Variants in PHACTR2 observed in about 807,000 individuals in gnomAD.
PHACTR2 encodes chromosome 6 open reading frame 56.
PHACTR2 carries 30 observed loss-of-function variants against 76.0 expected under a neutral mutation model. That is an observed-to-expected ratio of 0.39 (90% CI 0.30 to 0.54). PHACTR2 has a LOEUF of 0.54. Among genes scored for constraint, PHACTR2 ranks in the 20% least tolerant of loss-of-function variants. The pLI is 0.61. For missense variants in PHACTR2, 696 were observed against 781.1 expected (o/e 0.89, Z 1.30); for synonymous variants, 292 against 292.5 (o/e 1.00, Z 0.02).
At position 143,753,061 on chromosome 6, in the gene PHACTR2, T is replaced by G. The variant is rs982171759; in HGVS notation, c.296-693T>G. Reference sequence around the variant, plus strand: ...TTTGTGATTACTTTTTTATGTGTGTTTTTTTTTTCTCGAATGTTTTCAAAT... The same window carrying G: ...TTTGTGATTACTTTTTTATGTGTGTGTTTTTTTTCTCGAATGTTTTCAAAT... On this transcript the variant is annotated intron_variant, in intron 3 of 12. Transcript: ENST00000440869. The surrounding 1 kb of genome is among the most constrained non-coding windows in gnomAD (Gnocchi z 4.6). Among the ~76,000 whole-genome samples, 2 of 151,298 alleles carry G rather than the reference T, an allele frequency of 1.3e-5. No individual in the cohort carries two copies. The highest frequency in any genetic ancestry group is 2.4e-5 in the African/African-American group (1 of 41,274).
intron 1 of PHACTR2, among the ~76,000 whole-genome samples, chr6:143,552,221 A>T (rs1269377823): frequency 6.6e-6 from 1 of 152,170 alleles, no homozygotes; most frequent in Admixed American, 6.5e-5. Context: ...TCTAGGGAAG[A>T]AAGAGTGTGG....
At chr6:143,674,373 A>G (rs529472954), upstream of PHACTR2, among the ~76,000 whole-genome samples, 2 of 152,222 alleles carry the variant, frequency 1.3e-5, no homozygotes, top group African/African-American at 2.4e-5. The surrounding 1 kb of genome is among the most constrained non-coding windows in gnomAD (Gnocchi z 4.9). Context: ...TTAGTATACT[A>G]TTAGGAAAAC....
intron 12 of PHACTR2, among the ~76,000 whole-genome samples, chr6:143,815,179 C>T (rs558130702): frequency 2.0e-5 from 3 of 152,274 alleles, no homozygotes; most frequent in East Asian, 1.9e-4. Context: ...CAAAATGCTG[C>T]TTTAACTACT....
At position 143,537,607 on chromosome 6, in the gene PHACTR2, A is replaced by T. The variant is rs1178701868; in HGVS notation, c.217+400A>T. Among the ~76,000 whole-genome samples the T allele has an allele frequency of 6.6e-6, 1 of 152,016 alleles. No homozygotes were observed. Among genetic ancestry groups the T allele is most frequent in the Admixed American group, 6.5e-5 (1 of 15,274 alleles). On this transcript the variant is annotated intron_variant, in intron 1 of 11. Transcript: ENST00000367584. This position sits in a 1 kb window ranked among gnomAD's most constrained non-coding sequence, Gnocchi z 4.4. The stretch of plus-strand genomic sequence containing the variant: ...TCCCTCGGAAGGGTGCGGTTCCCTC[A>T]CTTTGCGGGCTGGGACCAGGGCAGG...
intron 6 of PHACTR2, among the ~76,000 whole-genome samples, chr6:143,766,841 A>G (rs1175373895): frequency 3.9e-5 from 6 of 152,224 alleles, no homozygotes; most frequent in Non-Finnish European, 8.8e-5. Context: ...TCTCACGAGT[A>G]TGAAGGGATG....
Position 143,751,452 on chromosome 6 carries a change from T to C in PHACTR2, c.296-2302T>C, listed in dbSNP as rs1779179554. Among the ~76,000 whole-genome samples the C allele has an allele frequency of 6.6e-6, 1 of 152,170 alleles. No homozygotes were observed. The highest frequency in any genetic ancestry group is 6.5e-5 in the Admixed American group (1 of 15,280). On this transcript the variant is annotated intron_variant, in intron 3 of 12. Coordinates refer to ENST00000440869, the MANE Select transcript of PHACTR2 (RefSeq NM_001100164.2). The surrounding 1 kb of genome is among the most constrained non-coding windows in gnomAD (Gnocchi z 5.7). ...ATGAGGTTGTGGAGGTGGTTTTGCC[T>C]GTGTGCCATCCTTTCCTTTTCTCCC...
chr6:143,723,357 G>A (rs1391263568), intron 2 of PHACTR2, among the ~76,000 whole-genome samples: 1 of 152,138 alleles, frequency 6.6e-6, no homozygotes, highest in Non-Finnish European at 1.5e-5. Context: ...TTAAAAATCA[G>A]TAGAGGAGGG....
chr6:143,637,765 T>C (rs766537487), intron 1 of PHACTR2, among the ~76,000 whole-genome samples: 1 of 152,280 alleles, frequency 6.6e-6, no homozygotes, highest in Non-Finnish European at 1.5e-5. Context: ...AAGGCTCTAA[T>C]GCAAATCTGC....
chr6:143,714,889 G>A (rs1562279771), intron 2 of PHACTR2, among the ~76,000 whole-genome samples: 1 of 152,116 alleles, frequency 6.6e-6, no homozygotes, highest in East Asian at 1.9e-4. Flanking sequence ...TGGGAGGTGA[G>A]GATATAAACA....
chr6:143,662,075 A>G lies in PHACTR2; in HGVS notation c.14-49941A>G, dbSNP rs1255696902. Among the ~76,000 whole-genome samples, 1 of 152,212 alleles carries G rather than the reference A, an allele frequency of 6.6e-6. No homozygotes were observed. Among genetic ancestry groups the G allele is most frequent in the Non-Finnish European group, 1.5e-5 (1 of 68,044 alleles). The stretch of plus-strand genomic sequence containing the variant: ...TTGTTTTGATGAAAGATTAAGTCAG[A>G]GCACCTGCAAGCTTCATTGCTCCTC... On this transcript the variant is annotated intron_variant, in intron 1 of 11. Coordinates refer to the PHACTR2 transcript ENST00000305766. This position sits in a 1 kb window ranked among gnomAD's most constrained non-coding sequence, Gnocchi z 4.7.
chr6:143,552,931 G>A (rs997909720), intron 1 of PHACTR2, among the ~76,000 whole-genome samples: 3 of 144,100 alleles, frequency 2.1e-5, no homozygotes, highest in South Asian at 2.3e-4. Flanking sequence ...CCAACCAACC[G>A]AACAAACCAA....
chr6:143,814,838 G>A (rs1476757325), intron 12 of PHACTR2, among the ~76,000 whole-genome samples: 1 of 152,060 alleles, frequency 6.6e-6, no homozygotes, highest in Non-Finnish European at 1.5e-5. Flanking sequence ...TGCTGACCTC[G>A]TGATCCGCCC....
chr6:143,706,550 G>T (rs1347954716), intron 1 of PHACTR2, among the ~76,000 whole-genome samples: 4 of 152,052 alleles, frequency 2.6e-5, no homozygotes, highest in African/African-American at 9.7e-5. Flanking sequence ...GAGAAACCTG[G>T]CTTCCACCAT....
Position 143,777,940 on chromosome 6 carries a change from C to T in PHACTR2, c.1645+557C>T, listed in dbSNP as rs1289163162. Among the ~76,000 whole-genome samples, 1 of 152,106 alleles carries T rather than the reference C, an allele frequency of 6.6e-6. No homozygotes were observed. Among genetic ancestry groups the T allele is most frequent in the African/African-American group, 2.4e-5 (1 of 41,422 alleles). On this transcript the variant is annotated intron_variant, in intron 9 of 12. Coordinates refer to ENST00000440869, the MANE Select transcript of PHACTR2 (RefSeq NM_001100164.2). This position sits in a 1 kb window ranked among gnomAD's most constrained non-coding sequence, Gnocchi z 4.6. The stretch of plus-strand genomic sequence containing the variant: ...CATTCATTTTCCTACTTTATTTTCC[C>T]ATTCTGTTTTTCCCTCTGTTCTCTT...
At chr6:143,574,803 T>C (rs949316989) in intron 1 of PHACTR2, among the ~76,000 whole-genome samples, 6 of 152,278 alleles carry the variant, frequency 3.9e-5, no homozygotes, top group Non-Finnish European at 7.4e-5. Flanking sequence ...TCATTTTTGT[T>C]CTAAATCTAA....
intron 2 of PHACTR2, among the ~76,000 whole-genome samples, chr6:143,744,640 A>G (rs1779014949): frequency 6.6e-6 from 1 of 152,204 alleles, no homozygotes; most frequent in South Asian, 2.1e-4. Context: ...AGAGGCCACC[A>G]TGCAGGGCCC....
intron 1 of PHACTR2, among the ~76,000 whole-genome samples, chr6:143,615,821 G>C (rs548603688): frequency 2.6e-5 from 4 of 152,100 alleles, no homozygotes; most frequent in Non-Finnish European, 5.9e-5. Flanking sequence ...AGACCACAGA[G>C]TACCTGTGCC....
chr6:143,613,222 G>A (rs527416070), intron 1 of PHACTR2, among the ~76,000 whole-genome samples: 1 of 152,324 alleles, frequency 6.6e-6, no homozygotes, highest in South Asian at 2.1e-4. Flanking sequence ...TGATCCACCC[G>A]CCTCGGCCTC....
In PHACTR2 at chr6:143,595,680, C is replaced by T. The variant is rs553391928; in HGVS notation, c.217+58473C>T. On this transcript the variant is annotated intron_variant, in intron 1 of 11. Transcript: ENST00000367584. This position sits in a 1 kb window ranked among gnomAD's most constrained non-coding sequence, Gnocchi z 4.2. ...AAGGGAACAGAGTCCTACATTAGTT[C>T]CAGTACCCAGCCCTCTTTCGTGAAG... 1.1e-4 allele frequency among the ~76,000 whole-genome samples: 16 copies of T among 152,260 alleles called. No individual in the cohort carries two copies. The South Asian group carries it at 3.3e-3, about 32-fold the overall frequency.
Sources: gnomAD v4.1 joint callset for allele counts (sites outside exome capture counted in the v4.1 genomes callset) on GRCh38, gnomAD v4.1.1 for gene constraint, Gnocchi (gnomAD v3.1) non-coding constraint, MANE v1.5 for transcripts, NCBI Gene and HGNC (gene_info 2026-07-23, HGNC 2026-07-21) for gene names.